Variants in DHRS4L2 observed in about 807,000 individuals in gnomAD.
The protein encoded by DHRS4L2 is dehydrogenase/reductase 4 like 2.
A neutral mutation model predicts 23.9 loss-of-function variants in DHRS4L2; 22 were observed. The observed-to-expected ratio is 0.92, with a 90% CI of 0.66 to 1.31. The LOEUF is 1.31. DHRS4L2 is among the 40% of genes most tolerant of loss of function. The pLI, the probability that DHRS4L2 is intolerant of heterozygous loss-of-function variation, is 0.00. For synonymous variants in DHRS4L2, 141 were observed against 123.7 expected (o/e 1.14, Z -0.93); for missense variants, 385 against 303.3 (o/e 1.27, Z -2.00).
At chr14:23,988,255 C>T (rs536236624), upstream of DHRS4L2, among the ~76,000 whole-genome samples, 39 of 149,862 alleles carry the variant, frequency 2.6e-4, no homozygotes, top group African/African-American at 9.5e-4. Flanking sequence ...ACTGTCCAGC[C>T]TCCTCGCTAC....
At chr14:24,005,657 T>C (rs1251573722) in intron 7 of DHRS4L2, among the ~76,000 whole-genome samples, 2 of 151,916 alleles carry the variant, frequency 1.3e-5, no homozygotes, top group South Asian at 2.1e-4. Context: ...TGTGTTTCTA[T>C]AGTATTTGAA....
In DHRS4L2 at chr14:23,978,919, A is replaced by G. The variant is rs560491022; in HGVS notation, c.-176+8587A>G. ...GGCAAAATAACCAGCTAGCATCATA[A>G]TGACAGGATCAAATTCACACATAAC... On this transcript the variant is annotated intron_variant, in intron 1 of 5. Transcript: ENST00000534993. 4.1e-5 allele frequency among the ~76,000 whole-genome samples: 6 copies of G among 144,728 alleles called. 1 individual carries two copies. Among genetic ancestry groups the G allele is most frequent in the Non-Finnish European group, 7.5e-5 (5 of 66,298 alleles). 94.9% of individuals were successfully genotyped at this position (144,728 alleles called of 152,430 possible).
chr14:23,971,582 G>C (rs1261935613), intron 1 of DHRS4L2, among the ~76,000 whole-genome samples: 5 of 151,996 alleles, frequency 3.3e-5, no homozygotes, highest in Admixed American at 2.6e-4. Flanking sequence ...CAGAGAGAAA[G>C]GTTGGGTGAC....
intron 1 of DHRS4L2, among the ~76,000 whole-genome samples, chr14:23,971,239 A>G (rs1282208054): frequency 6.6e-6 from 1 of 152,032 alleles, no homozygotes; most frequent in African/African-American, 2.4e-5. Flanking sequence ...ATTACAAGGA[A>G]GCTAAAAACC....
At chr14:23,986,049 G>A (rs2034134284), upstream of DHRS4L2, among the ~76,000 whole-genome samples, 2 of 151,352 alleles carry the variant, frequency 1.3e-5, no homozygotes, top group Non-Finnish European at 2.9e-5. Flanking sequence ...GTAGAGACGA[G>A]GTTTCATCAT....
At chr14:23,987,226 G>C (rs2138527632), upstream of DHRS4L2, 1 of 361,676 alleles carries the variant, frequency 2.8e-6, no homozygotes, top group Non-Finnish European at 5.5e-6. Flanking sequence ...CGCATCCCGT[G>C]TTCATGCCAT....
upstream of DHRS4L2, among the ~76,000 whole-genome samples, chr14:23,987,591 G>A (rs2034177719): frequency 6.6e-6 from 1 of 151,578 alleles, no homozygotes; most frequent in Admixed American, 6.6e-5. Context: ...TGCCAAACTG[G>A]TGATTTCACC....
chr14:23,992,027 G>A lies in DHRS4L2; in HGVS notation c.306+1668G>A, dbSNP rs929381247. 3.7e-4 allele frequency among the ~76,000 whole-genome samples: 56 copies of A among 151,508 alleles called. 1 individual carries two copies. The highest frequency in any genetic ancestry group is 1.2e-3 in the African/African-American group (49 of 41,270). On this transcript the variant is annotated intron_variant, in intron 2 of 7. Transcript: ENST00000335125. The stretch of plus-strand genomic sequence containing the variant: ...TGGGATTACAGGCGTGAGCCACTGT[G>A]CCCGGCCATAGCTTCTTAAAAGGAT...
intron 6 of DHRS4L2, 39 bp from the exon 7 acceptor site, chr14:24,004,298 A>T: frequency 1.3e-6 from 2 of 1,548,892 alleles, no homozygotes; most frequent in Non-Finnish European, 1.7e-6. Context: ...AGAAAGGAAA[A>T]GAAAAAAAAA....
intron 3 of DHRS4L2, among the ~76,000 whole-genome samples, chr14:23,998,165 C>T (rs1387190200): frequency 1.3e-5 from 2 of 151,960 alleles, no homozygotes; most frequent in African/African-American, 4.8e-5. Flanking sequence ...TAGCCATCAA[C>T]GGTGAGCTTA....
upstream of DHRS4L2, among the ~76,000 whole-genome samples, chr14:23,987,629 T>C (rs193024782): frequency 4.6e-5 from 7 of 151,888 alleles, no homozygotes; most frequent in East Asian, 1.3e-3. Flanking sequence ...CCTACCCATC[T>C]GCTTTCATCA....
chr14:23,980,760 C>T lies in DHRS4L2; in HGVS notation c.-175-9422C>T, dbSNP rs1435843116. On this transcript the variant is annotated intron_variant, in intron 1 of 5. Transcript: ENST00000534993. ...CCTTTGACAAAATTCAACAGCCTTTCATGCTAAAAACTCTCAATAAACTAG... is the reference window on the plus strand; with the variant it reads ...CCTTTGACAAAATTCAACAGCCTTTTATGCTAAAAACTCTCAATAAACTAG... Among the ~76,000 whole-genome samples, 6 of 151,480 alleles carry T rather than the reference C, an allele frequency of 4.0e-5. 1 individual carries two copies. The highest frequency in any genetic ancestry group is 3.4e-3 in the Middle Eastern group (1 of 292).
upstream of DHRS4L2, chr14:23,988,697 C>T: frequency 9.0e-7 from 1 of 1,113,552 alleles, no homozygotes; most frequent in Non-Finnish European, 1.2e-6. Context: ...GCCCTACAGG[C>T]AACTTGAACG....
chr14:23,997,660 T>C (rs766527007), intron 3 of DHRS4L2, among the ~76,000 whole-genome samples: 1 of 147,282 alleles, frequency 6.8e-6, no homozygotes, highest in Non-Finnish European at 1.5e-5. Context: ...CTCAGCCATC[T>C]ACATTTTATC....
chr14:23,988,845 G>C, upstream of DHRS4L2: 1 of 1,466,356 alleles, frequency 6.8e-7, no homozygotes, highest in East Asian at 2.5e-5. Context: ...CCGAGGGCGG[G>C]AAGGGGGCAG....
At chr14:23,975,625 A>C (rs998006175) in intron 1 of DHRS4L2, among the ~76,000 whole-genome samples, 2 of 151,784 alleles carry the variant, frequency 1.3e-5, no homozygotes, top group South Asian at 2.1e-4. Context: ...ATAGCCAAGG[A>C]AATCATAAGC....
In DHRS4L2 at chr14:24,001,371, C is replaced by T. The variant is rs2034485211; in HGVS notation, c.532-13C>T. On this transcript the variant is annotated splice_polypyrimidine_tract_variant and intron_variant, in intron 5 of 7. Transcript: ENST00000335125. ...GGAAACTATGAGTCTAACACATTCT[C>T]TTCTTTCTCCAGGGCTTCAGTCCTT... is the stretch of plus-strand genomic sequence containing the variant. 6.2e-7 allele frequency: 1 copy of T among 1,602,792 alleles called. No homozygotes were observed.
chr14:23,987,217 G>A (rs1212450775), upstream of DHRS4L2: 9 of 370,982 alleles, frequency 2.4e-5, no homozygotes, highest in East Asian at 1.3e-4. Flanking sequence ...TGCAAGCTCC[G>A]CATCCCGTGT....
In DHRS4L2 at chr14:23,990,313, T is replaced by A. The variant is rs2034243495; in HGVS notation, c.260T>A (p.Val87Glu). 6.2e-7 allele frequency: 1 copy of A among 1,611,910 alleles called. No individual in the cohort carries two copies. Among genetic ancestry groups the A allele is most frequent in the Non-Finnish European group, 8.5e-7 (1 of 1,179,010 alleles). The change falls in exon 2 of 8, where the codon GTG becomes GAG. Residue 87 changes from valine (V) to glutamate (E), a missense_variant. Physicochemically the swap from Val to Glu is moderately radical, Grantham distance 121 (BLOSUM62 -2). Transcript: ENST00000335125. Reference protein sequence around the residue: ...QGEGLSVTGTVCHVGKAEDRE... With the variant: ...QGEGLSVTGTECHVGKAEDRE... ...GAGGGGCTGAGCGTGACGGGCACTG[T>A]GTGCCATGTGGGGAAGGCGGAGGAC...
Sources: gnomAD v4.1 joint callset for allele counts (sites outside exome capture counted in the v4.1 genomes callset) on GRCh38, gnomAD v4.1.1 for gene constraint, MANE v1.5 for transcripts, NCBI Gene and HGNC (gene_info 2026-07-23, HGNC 2026-07-21) for gene names.